KIAA1217: variants seen among roughly 807,000 people sequenced by gnomAD.
KIAA1217 encodes sickle tail protein homolog.
KIAA1217 carries 88 observed loss-of-function variants against 163.9 expected under a neutral mutation model. The observed-to-expected ratio is 0.54, with a 90% CI of 0.45 to 0.64. The LOEUF (loss-of-function observed/expected upper bound fraction) is 0.64. KIAA1217 is among the 30% of genes least tolerant of loss of function. The pLI, the probability that KIAA1217 is intolerant of heterozygous loss-of-function variation, is 0.00. For missense variants in KIAA1217, 2,372 were observed against 2,475.0 expected, an observed-to-expected ratio of 0.96 and a Z score of 0.88; for synonymous variants, 903 against 923.1, an observed-to-expected ratio of 0.98 and a Z score of 0.39.
At chr10:24,379,459 C>G (rs1425831215) in intron 2 of KIAA1217, among the ~76,000 whole-genome samples, 2 of 152,094 alleles carry the variant, frequency 1.3e-5, no homozygotes, top group Admixed American at 1.3e-4. Context: ...TGTAGAACAC[C>G]CAGTCATCTC....
intron 2 of KIAA1217, among the ~76,000 whole-genome samples, chr10:24,023,552 T>C (rs1344949384): frequency 6.6e-6 from 1 of 151,636 alleles, no homozygotes; most frequent in Non-Finnish European, 1.5e-5. Flanking sequence ...ATATATGCAA[T>C]TTCTGTAGGG....
rs150011630 is a variant in KIAA1217, at chr10:24,195,444, G to A, written c.-170-24182G>A. 3.1e-3 allele frequency among the ~76,000 whole-genome samples: 465 copies of A among 152,272 alleles called. 3 individuals carry two copies. The highest frequency in any genetic ancestry group is 0.011 in the African/African-American group (453 of 41,572). ...CCCAAGACAAGGAACCCAGAAAACAGGGCTTTTGTGGACGAGGCAGCCATG... is the reference window on the plus strand; with the variant it reads ...CCCAAGACAAGGAACCCAGAAAACAAGGCTTTTGTGGACGAGGCAGCCATG... On this transcript the variant is annotated intron_variant, in intron 2 of 18. Coordinates refer to the KIAA1217 transcript ENST00000376462.
intron 14 of KIAA1217, among the ~76,000 whole-genome samples, chr10:24,530,948 A>C (rs2073024635): frequency 6.6e-6 from 1 of 152,002 alleles, no homozygotes; most frequent in South Asian, 2.1e-4. Flanking sequence ...TAATCCCAGC[A>C]CTTTGGGAGG....
At chr10:23,879,633 G>T (rs1423591378) in intron 1 of KIAA1217, among the ~76,000 whole-genome samples, 5 of 151,894 alleles carry the variant, frequency 3.3e-5, no homozygotes, top group African/African-American at 1.2e-4. Flanking sequence ...ATTCAAGAGA[G>T]AATGGGAAAA....
intron 1 of KIAA1217, among the ~76,000 whole-genome samples, chr10:23,935,439 G>A (rs920628036): frequency 5.9e-5 from 9 of 152,152 alleles, no homozygotes; most frequent in Non-Finnish European, 8.8e-5. Context: ...GTACTCACTC[G>A]ACATTTATCG....
upstream of KIAA1217, among the ~76,000 whole-genome samples, chr10:24,204,240 G>GC (rs2067425158): frequency 6.6e-6 from 1 of 152,146 alleles, no homozygotes; most frequent in South Asian, 2.1e-4. Flanking sequence ...TCTCCTTGGA[G>GC]CCACTGGAAT....
At chr10:23,905,874 T>C (rs112523115) in intron 1 of KIAA1217, among the ~76,000 whole-genome samples, 2,652 of 152,252 alleles carry the variant, frequency 0.017, 79 homozygotes, top group African/African-American at 0.06. Flanking sequence ...TTTGTGCTGT[T>C]ATAAGAAAAT....
At chr10:24,454,704 C>T (rs965571330) in intron 5 of KIAA1217, among the ~76,000 whole-genome samples, 33 of 151,984 alleles carry the variant, frequency 2.2e-4, no homozygotes, top group African/African-American at 7.5e-4. Context: ...AAGGAGGGCA[C>T]GGAATAGAAC....
At chr10:24,380,036 G>A (rs1296215678) in intron 2 of KIAA1217, among the ~76,000 whole-genome samples, 1 of 151,996 alleles carries the variant, frequency 6.6e-6, no homozygotes, top group African/African-American at 2.4e-5. Flanking sequence ...TGAGCAACAA[G>A]AATGAAACGC....
chr10:24,030,723 A>G (rs1848154677), intron 2 of KIAA1217, among the ~76,000 whole-genome samples: 1 of 152,160 alleles, frequency 6.6e-6, no homozygotes, highest in African/African-American at 2.4e-5. Context: ...TATCTGCATG[A>G]ATTTGGCAAC....
intron 2 of KIAA1217, among the ~76,000 whole-genome samples, chr10:24,182,211 G>A (rs1021182654): frequency 2.9e-4 from 44 of 152,148 alleles, no homozygotes; most frequent in African/African-American, 3.4e-4. Flanking sequence ...TGAGGCAGGC[G>A]GATCACTTGT....
rs2043141357 is a variant in KIAA1217, at chr10:24,314,772, C to T, written c.355-66097C>T. On this transcript the variant is annotated intron_variant, in intron 2 of 20. Coordinates refer to ENST00000376454, the MANE Select transcript of KIAA1217 (RefSeq NM_019590.5). ...CCTGGCTAACACAGTGAAACCCCAT[C>T]TCTACTAAAAATACAAAAAAAATCA... Among the ~76,000 whole-genome samples, 3 of 151,980 alleles carry T rather than the reference C, an allele frequency of 2.0e-5. No individual in the cohort carries two copies. In the South Asian group the frequency reaches 6.2e-4, roughly 32 times the overall value.
chr10:23,924,300 A>T (rs1050544893), intron 1 of KIAA1217, among the ~76,000 whole-genome samples: 2 of 152,142 alleles, frequency 1.3e-5, no homozygotes, highest in Admixed American at 6.6e-5. Context: ...AGTTGATGAA[A>T]ATCTTGGAGA....
intron 2 of KIAA1217, among the ~76,000 whole-genome samples, chr10:24,273,852 CAAA>C (rs768025622): frequency 1.7e-5 from 2 of 120,106 alleles, no homozygotes; most frequent in Non-Finnish European, 1.8e-5. Flanking sequence ...GACTCTGTCT[CAAA>C]AAAAAAAAAA....
chr10:24,015,074 G>C (rs1847413779), intron 2 of KIAA1217, among the ~76,000 whole-genome samples: 1 of 151,972 alleles, frequency 6.6e-6, no homozygotes, highest in Non-Finnish European at 1.5e-5. Flanking sequence ...TTTTCTGTTG[G>C]CTGTCATTGC....
chr10:23,976,544 A>T (rs922673052), intron 1 of KIAA1217, among the ~76,000 whole-genome samples: 1 of 152,212 alleles, frequency 6.6e-6, no homozygotes, highest in African/African-American at 2.4e-5. Context: ...ATACAAGACG[A>T]TATTCCTCAA....
At position 24,473,393 on chromosome 10, in the gene KIAA1217, A is replaced by T; in HGVS notation, c.1012A>T (p.Met338Leu). Residue 338 changes from methionine to leucine, a missense_variant, in exon 6 of 21, where the codon ATG becomes TTG. Physicochemically the swap from Met to Leu is conservative, Grantham distance 15 (BLOSUM62 2). Coordinates refer to ENST00000376454, the MANE Select transcript of KIAA1217 (RefSeq NM_019590.5). ...SRIPYGGTRSMVVPGNATIPR... is the reference protein window; with the variant it reads ...SRIPYGGTRSLVVPGNATIPR... ...AATTCCTTATGGGGGCACCCGCTCC[A>T]TGGTTGTTCCTGGCAATGCCACCAT... 1 of 1,613,520 alleles carries T rather than the reference A, an allele frequency of 6.2e-7. No homozygotes were observed. Among genetic ancestry groups the T allele is most frequent in the Non-Finnish European group, 8.5e-7 (1 of 1,179,748 alleles).
intron 1 of KIAA1217, among the ~76,000 whole-genome samples, chr10:23,922,838 G>C (rs748720032): frequency 3.3e-5 from 5 of 152,072 alleles, no homozygotes; most frequent in Admixed American, 6.5e-5. Flanking sequence ...AACCTATCCA[G>C]AACTAGGCAC....
chr10:23,715,557 T>C (rs955397575), intron 1 of KIAA1217, among the ~76,000 whole-genome samples: 1 of 152,190 alleles, frequency 6.6e-6, no homozygotes, highest in Non-Finnish European at 1.5e-5. Context: ...GTCTCTTTGA[T>C]GTAGCTATAA....
Sources: gnomAD v4.1 joint callset for allele counts (sites outside exome capture counted in the v4.1 genomes callset) on GRCh38, gnomAD v4.1.1 for gene constraint, MANE v1.5 for transcripts, NCBI Gene and HGNC (gene_info 2026-07-23, HGNC 2026-07-21) for gene names.